The following DNER variants were observed in gnomAD, a reference collection of about 807,000 sequenced individuals.
DNER encodes delta and Notch-like epidermal growth factor-related receptor.
Under a neutral mutation model 78.2 loss-of-function variants are expected in DNER, and 33 were observed. The observed-to-expected ratio is 0.42, with a 90% CI of 0.32 to 0.56. The LOEUF is 0.56. Ranked by LOEUF, DNER falls within the 20% of genes least tolerant of loss-of-function variation. The probability of loss-of-function intolerance (pLI) is 0.11; values close to 1 mark genes in which losing one functional copy is unlikely to be tolerated. For missense variants in DNER, 918 were observed against 975.3 expected, an observed-to-expected ratio of 0.94 and a Z score of 0.78; for synonymous variants, 417 against 384.8, an observed-to-expected ratio of 1.08 and a Z score of -0.98.
chr2:229,646,898 G>T (rs1698728027), intron 1 of DNER, among the ~76,000 whole-genome samples: 1 of 152,234 alleles, frequency 6.6e-6, no homozygotes, highest in Non-Finnish European at 1.5e-5. Flanking sequence ...GCCAGGCATG[G>T]TGGCTCACAC....
intron 7 of DNER, among the ~76,000 whole-genome samples, chr2:229,449,208 C>T (rs1014516595): frequency 2.0e-5 from 3 of 152,180 alleles, no homozygotes; most frequent in South Asian, 2.1e-4. Flanking sequence ...GAATATAATT[C>T]TACCCATCAT....
At chr2:229,514,858 C>T (rs1013702824) in intron 5 of DNER, among the ~76,000 whole-genome samples, 2 of 152,168 alleles carry the variant, frequency 1.3e-5, no homozygotes, top group African/African-American at 4.8e-5. Context: ...ACATTTAGCT[C>T]GACCAAACTG....
chr2:229,530,306 T>A (rs1167170839), intron 5 of DNER, among the ~76,000 whole-genome samples: 3 of 152,216 alleles, frequency 2.0e-5, no homozygotes, highest in African/African-American at 7.2e-5. Context: ...ACAGCACTGA[T>A]GTCCTACATA....
At chr2:229,667,445 G>A (rs1699111623) in intron 1 of DNER, among the ~76,000 whole-genome samples, 1 of 152,056 alleles carries the variant, frequency 6.6e-6, no homozygotes, top group Non-Finnish European at 1.5e-5. Context: ...GCCAAGCAGA[G>A]TATTTCAATC....
At chr2:229,506,922 A>C (rs1270929575) in intron 6 of DNER, among the ~76,000 whole-genome samples, 1 of 152,192 alleles carries the variant, frequency 6.6e-6, no homozygotes, top group Non-Finnish European at 1.5e-5. Context: ...ACGTGTTGTT[A>C]GGTGATTTCG....
intron 1 of DNER, among the ~76,000 whole-genome samples, chr2:229,710,989 A>G (rs1487737416): frequency 6.7e-5 from 10 of 149,594 alleles, no homozygotes; most frequent in African/African-American, 2.0e-4. Context: ...ACGCGCACAC[A>G]CACACACACA....
intron 8 of DNER, among the ~76,000 whole-genome samples, chr2:229,431,116 G>T (rs1013614013): frequency 6.6e-6 from 1 of 151,616 alleles, no homozygotes; most frequent in African/African-American, 2.4e-5. Flanking sequence ...TGTACTGAGT[G>T]TAAATCATAA....
At chr2:229,391,426 T>G (rs1375309052) in intron 10 of DNER, among the ~76,000 whole-genome samples, 2 of 152,022 alleles carry the variant, frequency 1.3e-5, no homozygotes, top group Non-Finnish European at 2.9e-5. Flanking sequence ...AAAAAACAAT[T>G]ATTCTTAAAC....
At chr2:229,531,659 G>A (rs1259901747) in intron 5 of DNER, among the ~76,000 whole-genome samples, 5 of 152,156 alleles carry the variant, frequency 3.3e-5, no homozygotes, top group African/African-American at 4.8e-5. Context: ...TACTCCTTAG[G>A]TATTCACCCA....
At chr2:229,518,113 G>A (rs894693248) in intron 5 of DNER, among the ~76,000 whole-genome samples, 1 of 152,190 alleles carries the variant, frequency 6.6e-6, no homozygotes, top group African/African-American at 2.4e-5. Flanking sequence ...TTTATTCAGG[G>A]AAATTATGTT....
chr2:229,675,732 A>C (rs893382400), intron 1 of DNER, among the ~76,000 whole-genome samples: 1 of 151,918 alleles, frequency 6.6e-6, no homozygotes, highest in Non-Finnish European at 1.5e-5. Flanking sequence ...TCTACTCATT[A>C]CTCTTTTATA....
chr2:229,502,150 C>A (rs747155424), intron 6 of DNER, among the ~76,000 whole-genome samples: 1 of 152,164 alleles, frequency 6.6e-6, no homozygotes, highest in Non-Finnish European at 1.5e-5. Flanking sequence ...GAAACCTGTC[C>A]TATCGAAAGG....
chr2:229,681,663 C>A (rs1699388626), intron 1 of DNER, among the ~76,000 whole-genome samples: 2 of 152,154 alleles, frequency 1.3e-5, no homozygotes, highest in African/African-American at 4.8e-5. Context: ...GGCAGCCACA[C>A]AACACCGCTC....
chr2:229,661,038 C>G (rs2154216556), intron 1 of DNER, among the ~76,000 whole-genome samples: 1 of 152,352 alleles, frequency 6.6e-6, no homozygotes, highest in Middle Eastern at 3.4e-3. Flanking sequence ...GCCCCAACCT[C>G]TTTGCCATCC....
intron 8 of DNER, among the ~76,000 whole-genome samples, chr2:229,446,560 G>C (rs576308318): frequency 4.6e-5 from 7 of 152,172 alleles, no homozygotes; most frequent in Non-Finnish European, 1.0e-4. Flanking sequence ...CATTGTGCTG[G>C]GAAGCTTTCT....
At chr2:229,559,229 T>C (rs924963213) in intron 4 of DNER, among the ~76,000 whole-genome samples, 5 of 152,060 alleles carry the variant, frequency 3.3e-5, no homozygotes, top group South Asian at 2.1e-4. Context: ...GTTAGAAACA[T>C]CATGGCTGAA....
At chr2:229,364,555 A>T (rs1313745485) in intron 12 of DNER, among the ~76,000 whole-genome samples, 48 of 152,236 alleles carry the variant, frequency 3.2e-4, no homozygotes, top group Non-Finnish European at 1.2e-4. Context: ...TCCAAGCTGG[A>T]GGAGGGTTGA....
intron 1 of DNER, among the ~76,000 whole-genome samples, chr2:229,678,206 C>T (rs115148052): frequency 0.013 from 1,949 of 152,262 alleles, 23 homozygotes; most frequent in Non-Finnish European, 0.021. Context: ...CTTGCTACCC[C>T]CTAATTTACT....
intron 1 of DNER, among the ~76,000 whole-genome samples, chr2:229,684,383 C>T (rs769119766): frequency 6.6e-6 from 1 of 151,916 alleles, no homozygotes; most frequent in Admixed American, 6.6e-5. Context: ...CCCTCTTCAT[C>T]GGCTCTTCCT....
Sources: allele counts gnomAD v4.1 joint callset (sites outside exome capture counted in the v4.1 genomes callset), GRCh38; gene constraint gnomAD v4.1.1; transcripts MANE v1.5; gene names NCBI Gene and HGNC (gene_info 2026-07-23, HGNC 2026-07-21).